Variants in UBR3 observed in about 807,000 individuals in gnomAD.
UBR3 encodes the protein E3 ubiquitin-protein ligase UBR3.
UBR3 carries 85 observed loss-of-function variants against 243.2 expected under a neutral mutation model. The observed-to-expected ratio is 0.35, with a 90% confidence interval of 0.29 to 0.42. The LOEUF (loss-of-function observed/expected upper bound fraction) is 0.42. Among genes scored for constraint, UBR3 ranks in the 10% least tolerant of loss-of-function variants. UBR3 has a pLI of 1.00. For missense variants in UBR3, 1,686 were observed against 2,300.8 expected (o/e 0.73, Z 5.47); for synonymous variants, 748 against 799.8 (o/e 0.94, Z 1.09).
chr2:170,041,725 A>G (rs2090972351), intron 32 of UBR3, among the ~76,000 whole-genome samples: 1 of 152,186 alleles, frequency 6.6e-6, no homozygotes, highest in South Asian at 2.1e-4. Context: ...ATGAACATCT[A>G]TGGGTGTATA....
intron 31 of UBR3, among the ~76,000 whole-genome samples, chr2:170,033,592 C>A (rs867085260): frequency 9.1e-6 from 1 of 109,896 alleles, no homozygotes; most frequent in Non-Finnish European, 1.9e-5. Context: ...CCCCCCCCCC[C>A]CCCAATATTT....
chr2:170,014,235 A>G (rs2090168565), intron 29 of UBR3: 1 of 153,912 alleles, frequency 6.5e-6, no homozygotes, highest in African/African-American at 2.4e-5. Flanking sequence ...ATAATCTCCA[A>G]AAAAGTCCAT....
intron 31 of UBR3, among the ~76,000 whole-genome samples, chr2:170,030,132 T>A (rs1385492099): frequency 6.6e-6 from 1 of 152,154 alleles, no homozygotes; most frequent in Non-Finnish European, 1.5e-5. Context: ...TCTTTCCTCT[T>A]TTTGATACAA....
intron 1 of UBR3, among the ~76,000 whole-genome samples, chr2:169,871,084 T>C (rs536813155): frequency 6.6e-6 from 1 of 152,324 alleles, no homozygotes; most frequent in East Asian, 1.9e-4. Flanking sequence ...TTTCTAGGCA[T>C]TTTACATGTT....
At position 169,875,776 on chromosome 2, in the gene UBR3, CT is replaced by C; in HGVS notation, c.686-8del. ...AAATTACCCTTATTTGATTTTTTTT[CT>C]TTTTTTCTTTTAGCAGCTGATGGAC... On this transcript the variant is annotated splice_polypyrimidine_tract_variant and intron_variant, in intron 2 of 38. Transcript: ENST00000272793. 1.3e-6 allele frequency: 2 copies of C among 1,489,776 alleles called. No homozygotes were observed. Among genetic ancestry groups the C allele is most frequent in the East Asian group, 5.0e-5 (2 of 39,682 alleles). The allele number at this position is 1,489,776 out of a possible 1,614,324, so 92.3% of individuals were successfully genotyped here.
chr2:169,877,277 T>C (rs2083654765), intron 3 of UBR3, among the ~76,000 whole-genome samples: 1 of 152,238 alleles, frequency 6.6e-6, no homozygotes, highest in African/African-American at 2.4e-5. Context: ...ACCTACTTTG[T>C]AGATTTCATT....
At chr2:170,079,686 G>A (rs1574491205) in intron 36 of UBR3, 128 bp from the exon 37 acceptor site, 1 of 746,228 alleles carries the variant, frequency 1.3e-6, no homozygotes, top group East Asian at 2.7e-5. Context: ...TGAGAGGAGT[G>A]TTAATAAAGA....
intron 10 of UBR3, among the ~76,000 whole-genome samples, chr2:169,913,121 C>G (rs1282649499): frequency 6.6e-6 from 1 of 152,120 alleles, no homozygotes; most frequent in African/African-American, 2.4e-5. Context: ...ATTTTACAGT[C>G]TCATCAGCAA....
At chr2:169,881,956 A>ACATATAATATAAT (rs1416513018) in intron 5 of UBR3, among the ~76,000 whole-genome samples, 1 of 110,444 alleles carries the variant, frequency 9.1e-6, no homozygotes, top group Non-Finnish European at 1.9e-5. Context: ...ATATGTATGT[A>ACATATAATATAAT]TACATACATA....
At chr2:169,989,806 A>AT (rs1559163672) in intron 25 of UBR3, among the ~76,000 whole-genome samples, 1 of 152,146 alleles carries the variant, frequency 6.6e-6, no homozygotes, top group Non-Finnish European at 1.5e-5. Context: ...TATGAACTCT[A>AT]TTAATAACTC....
intron 36 of UBR3, among the ~76,000 whole-genome samples, chr2:170,074,987 C>T (rs988748809): frequency 2.6e-5 from 4 of 151,948 alleles, no homozygotes; most frequent in Non-Finnish European, 5.9e-5. Flanking sequence ...AAAGGGGAGC[C>T]AAGTTTCAGG....
intron 36 of UBR3, among the ~76,000 whole-genome samples, chr2:170,079,096 T>C (rs2091862900): frequency 6.6e-6 from 1 of 152,254 alleles, no homozygotes; most frequent in South Asian, 2.1e-4. Context: ...AGACTCACTC[T>C]ACATTTTATC....
chr2:169,968,275 C>A (rs577077784), intron 24 of UBR3, among the ~76,000 whole-genome samples: 1 of 152,150 alleles, frequency 6.6e-6, no homozygotes, highest in African/African-American at 2.4e-5. Flanking sequence ...TATCGTTACC[C>A]AACTGTGCTA....
intron 11 of UBR3, among the ~76,000 whole-genome samples, chr2:169,917,744 C>T (rs2085518311): frequency 6.6e-6 from 1 of 151,812 alleles, no homozygotes; most frequent in Non-Finnish European, 1.5e-5. Context: ...CTCTTGTTGC[C>T]CAGGCTGGGG....
Position 169,882,028 on chromosome 2 carries a change from T to C in UBR3, c.1038+3454T>C, listed in dbSNP as rs1309206694. Among the ~76,000 whole-genome samples, 8 of 126,710 alleles carry C rather than the reference T, an allele frequency of 6.3e-5. No individual in the cohort carries two copies. The East Asian group carries it at 1.8e-3, about 28-fold the overall frequency. The allele number at this position is 126,710 out of a possible 152,430, so 83.1% of individuals were successfully genotyped here. ...AATATATAATATGTATTATATATTATACATGCATATTTATATGTATATTAT... is the reference window on the plus strand; with the variant it reads ...AATATATAATATGTATTATATATTACACATGCATATTTATATGTATATTAT... On this transcript the variant is annotated intron_variant, in intron 5 of 38. Transcript: ENST00000272793.
chr2:169,870,215 CT>C (rs1453114517), intron 1 of UBR3, among the ~76,000 whole-genome samples: 2 of 152,264 alleles, frequency 1.3e-5, no homozygotes, highest in East Asian at 3.9e-4. Context: ...ATTAAGTCTT[CT>C]TTCCACTATA....
intron 11 of UBR3, among the ~76,000 whole-genome samples, chr2:169,919,484 C>CTTCT (rs1278719625): frequency 2.6e-5 from 4 of 152,136 alleles, no homozygotes; most frequent in African/African-American, 9.7e-5. Flanking sequence ...AACTAAAGAG[C>CTTCT]TTCTGGACAG....
intron 31 of UBR3, among the ~76,000 whole-genome samples, chr2:170,039,645 G>A (rs1321076002): frequency 2.0e-5 from 3 of 152,078 alleles, no homozygotes; most frequent in South Asian, 2.1e-4. Flanking sequence ...CTGAATGATC[G>A]AGCCTAATAA....
chr2:170,046,701 A>G (rs1012805893), intron 32 of UBR3, among the ~76,000 whole-genome samples: 1 of 152,322 alleles, frequency 6.6e-6, no homozygotes, highest in East Asian at 1.9e-4. Flanking sequence ...AGTGGAATTC[A>G]TAAAACTAAA....
Sources: gnomAD v4.1 joint callset for allele counts (sites outside exome capture counted in the v4.1 genomes callset) on GRCh38, gnomAD v4.1.1 for gene constraint, MANE v1.5 for transcripts, NCBI Gene and HGNC (gene_info 2026-07-23, HGNC 2026-07-21) for gene names.